DHX29: variants seen among roughly 807,000 people sequenced by gnomAD.
The protein encoded by DHX29 is DExH-box helicase 29, also known as ATP-dependent RNA helicase DHX29.
A neutral mutation model predicts 167.9 loss-of-function variants in DHX29; 79 were observed. The observed-to-expected ratio is 0.47, with a 90% CI of 0.39 to 0.57. The LOEUF (loss-of-function observed/expected upper bound fraction) is 0.57. Among genes scored for constraint, DHX29 ranks in the 20% least tolerant of loss-of-function variants. The pLI, the probability that DHX29 is intolerant of heterozygous loss-of-function variation, is 0.00. For synonymous variants in DHX29, 530 were observed against 546.0 expected, an observed-to-expected ratio of 0.97 and a Z score of 0.41; for missense variants, 1,347 against 1,593.4, an observed-to-expected ratio of 0.85 and a Z score of 2.63.
chr5:55,262,401 C>A (rs983365768), intron 24 of DHX29, among the ~76,000 whole-genome samples: 1 of 152,056 alleles, frequency 6.6e-6, no homozygotes, highest in African/African-American at 2.4e-5. Flanking sequence ...TGTCTTTATT[C>A]CAAGTAGAAA....
intron 1 of DHX29, among the ~76,000 whole-genome samples, chr5:55,299,556 T>C (rs1324064844): frequency 1.2e-4 from 18 of 152,152 alleles, no homozygotes; most frequent in Admixed American, 1.2e-3. Context: ...AGCAGGACCA[T>C]GCTCTCTCTG....
At chr5:55,301,574 GT>G (rs1283788832) in intron 1 of DHX29, among the ~76,000 whole-genome samples, 2 of 151,860 alleles carry the variant, frequency 1.3e-5, no homozygotes, top group Non-Finnish European at 2.9e-5. Context: ...TTAGCCAGGC[GT>G]GGTGGTGCAT....
intron 6 of DHX29, among the ~76,000 whole-genome samples, chr5:55,293,140 C>T (rs1561164724): frequency 1.3e-5 from 2 of 152,186 alleles, no homozygotes; most frequent in East Asian, 3.8e-4. Context: ...ATGAATTCAT[C>T]AGATTACACA....
At chr5:55,281,115 T>C (rs533355382) in intron 12 of DHX29, among the ~76,000 whole-genome samples, 4 of 148,576 alleles carry the variant, frequency 2.7e-5, no homozygotes, top group African/African-American at 1.0e-4. Flanking sequence ...AATATATATA[T>C]GTACACACAC....
At chr5:55,266,287 C>T (rs1363449851) in intron 23 of DHX29, among the ~76,000 whole-genome samples, 3 of 151,296 alleles carry the variant, frequency 2.0e-5, no homozygotes, top group Non-Finnish European at 2.9e-5. Flanking sequence ...TGAGCCACTG[C>T]GCCCAGTCCT....
intron 1 of DHX29, among the ~76,000 whole-genome samples, chr5:55,303,042 C>G (rs1248729945): frequency 6.6e-6 from 1 of 151,434 alleles, no homozygotes; most frequent in Non-Finnish European, 1.5e-5. Flanking sequence ...AGCTGGCTCT[C>G]AAAAATATTT....
At chr5:55,298,063 T>C (rs1579817852) in intron 2 of DHX29, among the ~76,000 whole-genome samples, 3 of 151,968 alleles carry the variant, frequency 2.0e-5, no homozygotes, top group African/African-American at 7.2e-5. Context: ...AGAGACAAAT[T>C]ATAACCCAGC....
intron 8 of DHX29, among the ~76,000 whole-genome samples, chr5:55,286,112 G>A (rs917439960): frequency 2.0e-5 from 3 of 151,942 alleles, no homozygotes; most frequent in African/African-American, 7.3e-5. Flanking sequence ...AAAATTATTC[G>A]GCGTGGTGGC....
At chr5:55,273,723 C>T (rs538796819) in intron 16 of DHX29, among the ~76,000 whole-genome samples, 45 of 152,132 alleles carry the variant, frequency 3.0e-4, no homozygotes, top group South Asian at 1.2e-3. Context: ...GAGTTTTGCA[C>T]GATTTAGCGG....
In DHX29 at chr5:55,281,416, C is replaced by G; in HGVS notation, c.2065G>C (p.Glu689Gln). Reference sequence around the variant, plus strand: ...GACACATTACTTAGAAGACCATCTTCTTGAAGTTTCCTTAGCAAAACCCCT... The same window carrying G: ...GACACATTACTTAGAAGACCATCTTGTTGAAGTTTCCTTAGCAAAACCCCT... ...TTGVLLRKLQ[E>Q]DGLLSNVSHV... The change falls in exon 12 of 27, where the codon GAA becomes CAA. Residue 689 changes from glutamate (E) to glutamine (Q), a missense_variant. Physicochemically the swap from Glu to Gln is conservative, Grantham distance 29. Around this residue, in one of 3 missense-constraint regions of DHX29, gnomAD observed 882 missense variants for 1,082.4 expected, o/e 0.81. Coordinates refer to ENST00000251636, the MANE Select transcript of DHX29 (RefSeq NM_019030.4). 1 of 1,602,646 alleles carries G rather than the reference C, an allele frequency of 6.2e-7. No individual in the cohort carries two copies. The highest frequency in any genetic ancestry group is 2.3e-5 in the East Asian group (1 of 43,944).
chr5:55,297,794 C>T lies in DHX29; in HGVS notation c.262-396G>A, dbSNP rs150953798. On this transcript the variant is annotated intron_variant, in intron 2 of 26. Coordinates refer to ENST00000251636, the MANE Select transcript of DHX29 (RefSeq NM_019030.4). ...AAAAGAATGAACACTATACTAAAAA[C>T]GGGTATAACAAGTAAAACTGAAAAC... Among the ~76,000 whole-genome samples the T allele has an allele frequency of 2.4e-3, 363 of 152,220 alleles. 3 individuals carry two copies. The highest frequency in any genetic ancestry group is 8.1e-3 in the African/African-American group (335 of 41,544).
intron 9 of DHX29, 82 bp downstream of exon 9, chr5:55,285,614 C>T (rs1747680104): frequency 1.4e-6 from 2 of 1,421,898 alleles, no homozygotes; most frequent in Admixed American, 2.5e-5. Flanking sequence ...CTGCTTACCT[C>T]ACAGGGAACA....
intron 23 of DHX29, among the ~76,000 whole-genome samples, chr5:55,264,527 G>C (rs1746461816): frequency 6.6e-6 from 1 of 152,152 alleles, no homozygotes. Context: ...TCCAAGCCTG[G>C]AGCATAAAAT....
At position 55,289,140 on chromosome 5, in the gene DHX29, T is replaced by A. The variant is rs184103914; in HGVS notation, c.1066+130A>T. 1.3e-5 allele frequency: 13 copies of A among 1,030,244 alleles called. No homozygotes were observed. In the East Asian group the frequency reaches 3.6e-4, roughly 29 times the overall value. The allele number at this position is 1,030,244 out of a possible 1,614,324, so 63.8% of individuals were successfully genotyped here. On this transcript the variant is annotated intron_variant, in intron 8 of 26. Coordinates refer to ENST00000251636, the MANE Select transcript of DHX29 (RefSeq NM_019030.4). ...ATTGTTAATACTTTTTCAAGACAGCTTATAAAGTGTAACTTCACTGCCATC... is the reference window on the plus strand; with the variant it reads ...ATTGTTAATACTTTTTCAAGACAGCATATAAAGTGTAACTTCACTGCCATC...
At position 55,261,478 on chromosome 5, in the gene DHX29, A is replaced by G; in HGVS notation, c.3850T>C (p.Leu1284=). ...GGGGTTATTAGGGTAGTTTCTCTCA[A>G]ATACACTCTGGCATACCTTATCTAC... is the stretch of plus-strand genomic sequence containing the variant. ...QEKIRYARVY[L]RETTLITPFP... is the part of the protein sequence containing the mutation. The change falls in exon 25 of 27, where the codon TTG becomes CTG. Residue 1284 remains leucine (L), a synonymous_variant. Coordinates refer to ENST00000251636, the MANE Select transcript of DHX29 (RefSeq NM_019030.4). 1 of 1,582,460 alleles carries G rather than the reference A, an allele frequency of 6.3e-7. No individual in the cohort carries two copies. Among genetic ancestry groups the G allele is most frequent in the Non-Finnish European group, 8.7e-7 (1 of 1,152,074 alleles).
chr5:55,262,579 G>T (rs1413923338), intron 24 of DHX29, 51 bp downstream of exon 24: 1 of 1,576,216 alleles, frequency 6.3e-7, no homozygotes, highest in South Asian at 1.2e-5. Context: ...TGTTATGAAT[G>T]ACTTGCAGAA....
chr5:55,260,606 A>G (rs702644), intron 25 of DHX29, among the ~76,000 whole-genome samples: 133,379 of 152,128 alleles, frequency 0.88, 58,636 homozygotes, highest in South Asian at 0.92. Flanking sequence ...AATTTATAGA[A>G]TTGTGCAACC....
intron 1 of DHX29, 38 bp from the exon 2 acceptor site, chr5:55,298,702 T>C (rs774218935): frequency 7.0e-6 from 7 of 996,990 alleles, no homozygotes; most frequent in Admixed American, 5.7e-5. Flanking sequence ...TAATGATTAA[T>C]ATCTATTACA....
At position 55,285,871 on chromosome 5, in the gene DHX29, T is replaced by C. The variant is rs1179635903; in HGVS notation, c.1067-10A>G. The C allele has an allele frequency of 6.5e-7, 1 of 1,539,538 alleles. No homozygotes were observed. The highest frequency in any genetic ancestry group is 8.8e-7 in the Non-Finnish European group (1 of 1,135,090). On this transcript the variant is annotated splice_polypyrimidine_tract_variant and intron_variant, in intron 8 of 26. Transcript: ENST00000251636. ...GGTTCTTTCTTTTTATCTAAAATGG[T>C]AAACAAAGATTGGTTCTTTAAAAAT... is the stretch of plus-strand genomic sequence containing the variant.
Sources: gnomAD v4.1 joint callset for allele counts (sites outside exome capture counted in the v4.1 genomes callset) on GRCh38, gnomAD v4.1.1 for gene constraint, gnomAD v4.1.1 regional missense constraint, MANE v1.5 for transcripts, NCBI Gene and HGNC (gene_info 2026-07-23, HGNC 2026-07-21) for gene names.